AGBL4: variants seen among roughly 807,000 people sequenced by gnomAD.
The protein encoded by AGBL4 is cytosolic carboxypeptidase 6.
Under a neutral mutation model 66.4 loss-of-function variants are expected in AGBL4, and 58 were observed. The ratio of observed to expected loss-of-function variants is 0.87; its 90% CI spans 0.71 to 1.09. The LOEUF (loss-of-function observed/expected upper bound fraction) is 1.09, where lower values mean the gene tolerates loss of function less well. Ranked by LOEUF, AGBL4 falls within the 50% of genes least tolerant of loss-of-function variation. The pLI is 0.00. For synonymous variants in AGBL4, 234 were observed against 222.9 expected (o/e 1.05, Z -0.44); for missense variants, 579 against 631.0 (o/e 0.92, Z 0.88).
chr1:49,117,300 T>C (rs1441193162), intron 4 of AGBL4, among the ~76,000 whole-genome samples: 1 of 152,258 alleles, frequency 6.6e-6, no homozygotes, highest in African/African-American at 2.4e-5. Flanking sequence ...TGCCCATGCC[T>C]ATGTCCTGAA....
At chr1:50,020,504 A>G (rs1662364606) in intron 1 of AGBL4, among the ~76,000 whole-genome samples, 1 of 152,148 alleles carries the variant, frequency 6.6e-6, no homozygotes, top group South Asian at 2.1e-4. Flanking sequence ...CAAGGATCTG[A>G]GCCCATTTCT....
intron 2 of AGBL4, among the ~76,000 whole-genome samples, chr1:49,738,268 C>A (rs1197892208): frequency 6.6e-6 from 1 of 152,228 alleles, no homozygotes; most frequent in African/African-American, 2.4e-5. Context: ...TATCCCGTGC[C>A]TGGATCGGGG....
intron 2 of AGBL4, among the ~76,000 whole-genome samples, chr1:49,729,548 C>A (rs1380059096): frequency 6.6e-6 from 1 of 151,674 alleles, no homozygotes; most frequent in Admixed American, 6.6e-5. Flanking sequence ...TTGAGATTAA[C>A]CCCCCCAAAA....
chr1:49,582,244 T>C (rs1327281345), intron 3 of AGBL4, among the ~76,000 whole-genome samples: 1 of 152,154 alleles, frequency 6.6e-6, no homozygotes. Context: ...GCATCAGCCA[T>C]GACAGTTATG....
intron 2 of AGBL4, among the ~76,000 whole-genome samples, chr1:49,779,944 A>G (rs571088547): frequency 3.3e-5 from 5 of 150,496 alleles, no homozygotes; most frequent in South Asian, 4.2e-4. Flanking sequence ...GAAAAAAAAA[A>G]TTCAACTCAT....
At chr1:49,628,610 C>G (rs1252488732) in intron 3 of AGBL4, among the ~76,000 whole-genome samples, 1 of 152,092 alleles carries the variant, frequency 6.6e-6, no homozygotes, top group African/African-American at 2.4e-5. Context: ...TAAAGGCCTC[C>G]AGGATGAGCA....
At chr1:49,990,692 A>G (rs1245490555) in intron 1 of AGBL4, among the ~76,000 whole-genome samples, 1 of 152,214 alleles carries the variant, frequency 6.6e-6, no homozygotes, top group Non-Finnish European at 1.5e-5. Context: ...GGCATCTGTG[A>G]TCTGTCACCG....
chr1:49,368,599 C>T (rs570035326), intron 3 of AGBL4, among the ~76,000 whole-genome samples: 5 of 152,076 alleles, frequency 3.3e-5, no homozygotes, highest in African/African-American at 1.2e-4. Context: ...TCCTTTCAAG[C>T]CCAGGCACTG....
At chr1:49,846,496 C>T in intron 2 of AGBL4, 1 of 896,026 alleles carries the variant, frequency 1.1e-6, no homozygotes, top group Non-Finnish European at 1.6e-6. Context: ...AAACATATGT[C>T]TTTATCAACA....
At position 49,461,236 on chromosome 1, in the gene AGBL4, A is replaced by G. The variant is rs541326788; in HGVS notation, c.283-215372T>C. ...TTTCTCTTCTTCCTCAAGAACACCAATTATTCTTAGGTTTGGATGCTTAAC... is the reference window on the plus strand; with the variant it reads ...TTTCTCTTCTTCCTCAAGAACACCAGTTATTCTTAGGTTTGGATGCTTAAC... On this transcript the variant is annotated intron_variant, in intron 3 of 13. Transcript: ENST00000371839. Among the ~76,000 whole-genome samples, 270 of 151,764 alleles carry G rather than the reference A, an allele frequency of 1.8e-3. 8 individuals are homozygous for G. In the South Asian group the frequency reaches 0.055, roughly 31 times the overall value.
At chr1:49,461,609 C>A (rs1403589128) in intron 3 of AGBL4, among the ~76,000 whole-genome samples, 1 of 142,128 alleles carries the variant, frequency 7.0e-6, no homozygotes, top group Non-Finnish European at 1.5e-5. Context: ...CTAATGCTAT[C>A]CCTCCCCCAG....
intron 2 of AGBL4, among the ~76,000 whole-genome samples, chr1:49,772,053 T>C (rs72686747): frequency 6.6e-6 from 1 of 152,086 alleles, no homozygotes; most frequent in South Asian, 2.1e-4. Flanking sequence ...CCCTTCTTCC[T>C]TTCTTCCTCT....
At chr1:49,410,591 T>C (rs1435494423) in intron 3 of AGBL4, among the ~76,000 whole-genome samples, 3 of 152,050 alleles carry the variant, frequency 2.0e-5, no homozygotes, top group Non-Finnish European at 4.4e-5. Context: ...AGTCAGAAGG[T>C]GAAATAATTT....
At chr1:49,933,110 C>T (rs1009612849) in intron 1 of AGBL4, among the ~76,000 whole-genome samples, 18 of 152,058 alleles carry the variant, frequency 1.2e-4, no homozygotes, top group Non-Finnish European at 2.5e-4. Context: ...GAATTCTACA[C>T]TGAGATAAAC....
chr1:48,715,771 C>T (rs1021694076), intron 6 of AGBL4, among the ~76,000 whole-genome samples: 3 of 152,138 alleles, frequency 2.0e-5, no homozygotes, highest in Non-Finnish European at 4.4e-5. Flanking sequence ...TAGAATGTGG[C>T]CACATGACGA....
intron 5 of AGBL4, among the ~76,000 whole-genome samples, chr1:49,035,426 G>A (rs1021923494): frequency 2.6e-5 from 4 of 152,174 alleles, no homozygotes; most frequent in African/African-American, 9.6e-5. Flanking sequence ...GAGGAGCCAA[G>A]AGGGTGACTT....
chr1:49,793,586 T>C (rs1644657303), intron 2 of AGBL4, among the ~76,000 whole-genome samples: 1 of 151,964 alleles, frequency 6.6e-6, no homozygotes, highest in South Asian at 2.1e-4. Flanking sequence ...GCGTAAATAG[T>C]AGGTCTCAAC....
intron 11 of AGBL4, among the ~76,000 whole-genome samples, chr1:48,550,619 T>C (rs148531224): frequency 1.7e-3 from 255 of 152,266 alleles, no homozygotes; most frequent in African/African-American, 5.7e-3. Context: ...GAACCGAATG[T>C]CTTTGGGGGT....
At chr1:49,495,416 C>A (rs1209702312) in intron 3 of AGBL4, among the ~76,000 whole-genome samples, 3 of 151,718 alleles carry the variant, frequency 2.0e-5, no homozygotes. Flanking sequence ...TATGTGTGGC[C>A]CAAGACAATT....
Sources: allele counts gnomAD v4.1 joint callset (sites outside exome capture counted in the v4.1 genomes callset), GRCh38; gene constraint gnomAD v4.1.1; transcripts MANE v1.5; gene names NCBI Gene and HGNC (gene_info 2026-07-23, HGNC 2026-07-21).